The following SGCZ variants were observed in gnomAD, a reference collection of about 807,000 sequenced individuals.
SGCZ encodes the protein sarcoglycan zeta, also known as zeta-sarcoglycan.
Under a neutral mutation model 41.3 loss-of-function variants are expected in SGCZ, and 40 were observed. The observed-to-expected ratio is 0.97, with a 90% confidence interval of 0.75 to 1.26. The LOEUF is 1.26. Ranked by LOEUF, SGCZ falls within the 50% of genes most tolerant of loss-of-function variation. The pLI is 0.00. For synonymous variants in SGCZ, 206 were observed against 137.5 expected (o/e 1.50, Z -3.49); for missense variants, 552 against 369.8 (o/e 1.49, Z -4.04).
At chr8:15,177,878 C>A (rs1348622973) in intron 1 of SGCZ, among the ~76,000 whole-genome samples, 3 of 152,130 alleles carry the variant, frequency 2.0e-5, no homozygotes, top group Non-Finnish European at 4.4e-5. Context: ...CTATGAACTC[C>A]CTACTCCAGC....
At chr8:15,083,716 T>C (rs1805843174) in intron 1 of SGCZ, among the ~76,000 whole-genome samples, 3 of 152,038 alleles carry the variant, frequency 2.0e-5, no homozygotes, top group East Asian at 1.9e-4. Flanking sequence ...GTCCAGCTAA[T>C]TGTTTTGGCG....
At chr8:14,439,147 T>C (rs926368704) in intron 2 of SGCZ, among the ~76,000 whole-genome samples, 7 of 152,038 alleles carry the variant, frequency 4.6e-5, no homozygotes, top group African/African-American at 1.2e-4. Flanking sequence ...CCGTGATACA[T>C]TTGTTAAAGG....
At chr8:15,004,659 T>C (rs988216224) in intron 1 of SGCZ, among the ~76,000 whole-genome samples, 1 of 152,228 alleles carries the variant, frequency 6.6e-6, no homozygotes, top group Non-Finnish European at 1.5e-5. Flanking sequence ...CAGTAAATTT[T>C]ATTTCTGGCT....
chr8:14,184,587 TTG>T (rs1804842484), intron 4 of SGCZ, among the ~76,000 whole-genome samples: 1 of 152,126 alleles, frequency 6.6e-6, no homozygotes, highest in Non-Finnish European at 1.5e-5. Context: ...CCTACACGGA[TTG>T]TTTGATTATG....
At chr8:15,119,221 A>G (rs1204127419) in intron 1 of SGCZ, among the ~76,000 whole-genome samples, 1 of 152,206 alleles carries the variant, frequency 6.6e-6, no homozygotes, top group Non-Finnish European at 1.5e-5. Context: ...AGCTTAAAAT[A>G]CCAAATAAAT....
intron 1 of SGCZ, among the ~76,000 whole-genome samples, chr8:14,863,628 G>C (rs1028313218): frequency 1.6e-4 from 24 of 152,110 alleles, no homozygotes; most frequent in Non-Finnish European, 2.2e-4. Context: ...GAAATCAACT[G>C]CTTTTAAAAA....
chr8:14,453,546 C>G (rs1222248761), intron 2 of SGCZ, among the ~76,000 whole-genome samples: 5 of 151,926 alleles, frequency 3.3e-5, no homozygotes, highest in African/African-American at 7.3e-5. Flanking sequence ...AAAAAGAAGC[C>G]CAAATTGTCA....
chr8:14,881,018 G>C (rs749194814), intron 1 of SGCZ, among the ~76,000 whole-genome samples: 7 of 151,852 alleles, frequency 4.6e-5, no homozygotes, highest in Non-Finnish European at 8.8e-5. Context: ...CACAGAGAAA[G>C]AGTCTTAGTT....
chr8:14,634,847 T>C (rs1806775772), intron 1 of SGCZ, among the ~76,000 whole-genome samples: 1 of 151,888 alleles, frequency 6.6e-6, no homozygotes, highest in South Asian at 2.1e-4. Context: ...CTGACATCTG[T>C]GAATATCACA....
chr8:15,135,682 A>G (rs1285925802), intron 1 of SGCZ, among the ~76,000 whole-genome samples: 1 of 152,178 alleles, frequency 6.6e-6, no homozygotes, highest in Non-Finnish European at 1.5e-5. Flanking sequence ...AACAGTGTTT[A>G]GACTGTGTGT....
chr8:14,770,434 G>C (rs1447534417), intron 1 of SGCZ, among the ~76,000 whole-genome samples: 2 of 151,628 alleles, frequency 1.3e-5, no homozygotes, highest in Admixed American at 6.6e-5. Flanking sequence ...TATTATTTGG[G>C]GGTGGGGGTA....
chr8:14,492,597 A>C (rs1051597157), intron 2 of SGCZ, among the ~76,000 whole-genome samples: 1 of 152,164 alleles, frequency 6.6e-6, no homozygotes, highest in Non-Finnish European at 1.5e-5. Flanking sequence ...CAAATATTCT[A>C]GTCTCTATCT....
Position 14,561,146 on chromosome 8 carries a change from C to G in SGCZ, c.40-6220G>C, listed in dbSNP as rs567439993. ...AGCAGAAGAATAAAAACATATAATTCTAAGTGATTATGCAAACTATCCTCC... is the reference window on the plus strand; with the variant it reads ...AGCAGAAGAATAAAAACATATAATTGTAAGTGATTATGCAAACTATCCTCC... On this transcript the variant is annotated intron_variant, in intron 1 of 7. Transcript: ENST00000382080. 8.0e-4 allele frequency among the ~76,000 whole-genome samples: 121 copies of G among 152,198 alleles called. 1 individual carries two copies. Among genetic ancestry groups the G allele is most frequent in the African/African-American group, 2.9e-3 (119 of 41,554 alleles).
intron 3 of SGCZ, among the ~76,000 whole-genome samples, chr8:14,299,161 C>G (rs1277945777): frequency 6.6e-6 from 1 of 151,978 alleles, no homozygotes; most frequent in African/African-American, 2.4e-5. Context: ...AAACCATGCA[C>G]ATCAACTAAA....
intron 1 of SGCZ, among the ~76,000 whole-genome samples, chr8:15,120,299 A>G (rs530541859): frequency 6.6e-6 from 1 of 152,366 alleles, no homozygotes; most frequent in South Asian, 2.1e-4. Context: ...AGAAAATTTC[A>G]TGTAATCATA....
chr8:15,218,154 C>G (rs1801478597), intron 1 of SGCZ, among the ~76,000 whole-genome samples: 1 of 151,906 alleles, frequency 6.6e-6, no homozygotes, highest in African/African-American at 2.4e-5. Context: ...TGAGAGGAAA[C>G]TTATTTTTAG....
At chr8:15,222,757 G>GTGTGTGTGTGTGTC (rs1191239873) in intron 1 of SGCZ, among the ~76,000 whole-genome samples, 1 of 151,610 alleles carries the variant, frequency 6.6e-6, no homozygotes, top group Non-Finnish European at 1.5e-5. Flanking sequence ...TAAACACAGA[G>GTGTGTGTGTGTGTC]TGTGTGTGTG....
intron 1 of SGCZ, among the ~76,000 whole-genome samples, chr8:15,168,294 C>A (rs532573626): frequency 6.6e-6 from 1 of 152,260 alleles, no homozygotes; most frequent in South Asian, 2.1e-4. Context: ...GTGGCTGATT[C>A]CTGACGATTA....
intron 1 of SGCZ, among the ~76,000 whole-genome samples, chr8:14,625,057 T>C (rs1182907843): frequency 1.6e-4 from 24 of 152,216 alleles, no homozygotes; most frequent in Admixed American, 1.5e-3. Context: ...AATATGTGTC[T>C]TAATAAACAT....
Sources: allele counts gnomAD v4.1 joint callset (sites outside exome capture counted in the v4.1 genomes callset), GRCh38; gene constraint gnomAD v4.1.1; transcripts MANE v1.5; gene names NCBI Gene and HGNC (gene_info 2026-07-23, HGNC 2026-07-21).